The following TUSC3 variants were observed in gnomAD, a reference collection of about 807,000 sequenced individuals.
The protein encoded by TUSC3 is tumor suppressor candidate 3, also known as dolichyl-diphosphooligosaccharide--protein glycosyltransferase subunit TUSC3.
TUSC3 carries 45 observed loss-of-function variants against 44.8 expected under a neutral mutation model. That is an observed-to-expected ratio of 1.00 (90% CI 0.79 to 1.29). TUSC3 has a LOEUF of 1.29. TUSC3 is among the 50% of genes most tolerant of loss of function. The pLI, the probability that TUSC3 is intolerant of heterozygous loss-of-function variation, is 0.00. For synonymous variants in TUSC3, 212 were observed against 152.9 expected (o/e 1.39, Z -2.85); for missense variants, 519 against 437.9 (o/e 1.19, Z -1.65).
chr8:15,840,061 G>A, the TUSC3 span, among the ~76,000 whole-genome samples: 2 of 152,268 alleles, frequency 1.3e-5, no homozygotes, highest in African/African-American at 4.8e-5. Context: ...AAAATGATGA[G>A]TTCATGTCCT....
At chr8:15,794,323 A>G in the TUSC3 span, among the ~76,000 whole-genome samples, 1 of 151,884 alleles carries the variant, frequency 6.6e-6, no homozygotes, top group African/African-American at 2.4e-5. Context: ...AGTAAACTTC[A>G]CCCTAGAGGG....
downstream of TUSC3, among the ~76,000 whole-genome samples, chr8:15,767,742 A>C (rs1001838965): frequency 1.3e-5 from 2 of 152,148 alleles, no homozygotes; most frequent in African/African-American, 4.8e-5. Context: ...GACGTAACTC[A>C]GAAGTCTCTC....
intron 6 of TUSC3, among the ~76,000 whole-genome samples, chr8:15,674,898 C>G (rs1312354915): frequency 6.6e-6 from 1 of 151,810 alleles, no homozygotes; most frequent in East Asian, 1.9e-4. Context: ...ATAAATTATT[C>G]CCTTACCTTT....
At chr8:15,586,077 A>T (rs1234756540) in intron 1 of TUSC3, among the ~76,000 whole-genome samples, 1 of 150,502 alleles carries the variant, frequency 6.6e-6, no homozygotes, top group Non-Finnish European at 1.5e-5. Flanking sequence ...AACCAGGAAA[A>T]ATATTTTAAA....
At chr8:15,758,293 A>G (rs1812017620) in intron 10 of TUSC3, 1 of 965,640 alleles carries the variant, frequency 1.0e-6, no homozygotes, top group African/African-American at 1.8e-5. Flanking sequence ...AACTTACTGA[A>G]AACTTTTTTA....
At chr8:15,567,528 C>T (rs1802721187) in intron 1 of TUSC3, among the ~76,000 whole-genome samples, 1 of 152,130 alleles carries the variant, frequency 6.6e-6, no homozygotes, top group South Asian at 2.1e-4. Flanking sequence ...ATAATCCTGA[C>T]AGGTCTTCAA....
intron 9 of TUSC3, 94 bp downstream of exon 9, chr8:15,748,559 G>A: frequency 8.3e-7 from 1 of 1,211,096 alleles, no homozygotes; most frequent in Non-Finnish European, 1.2e-6. Context: ...ATGTAAAGTT[G>A]CTGTGTGGTT....
At chr8:15,697,479 G>A (rs1378750177) in intron 6 of TUSC3, among the ~76,000 whole-genome samples, 3 of 152,080 alleles carry the variant, frequency 2.0e-5, no homozygotes, top group Non-Finnish European at 4.4e-5. Context: ...ATAGGTTTTG[G>A]CTGTCTTTGT....
chr8:15,637,046 T>C (rs1806110542), intron 2 of TUSC3, among the ~76,000 whole-genome samples: 1 of 152,238 alleles, frequency 6.6e-6, no homozygotes, highest in African/African-American at 2.4e-5. Context: ...GTCTTACAGT[T>C]GACTATTCTA....
chr8:15,609,781 T>G (rs1210395903), intron 1 of TUSC3, among the ~76,000 whole-genome samples: 1 of 151,896 alleles, frequency 6.6e-6, no homozygotes, highest in African/African-American at 2.4e-5. Context: ...CACTGTACAT[T>G]AAAAATAAAA....
intron 2 of TUSC3, among the ~76,000 whole-genome samples, chr8:15,644,589 G>A (rs934262233): frequency 2.6e-5 from 4 of 152,054 alleles, no homozygotes; most frequent in Non-Finnish European, 4.4e-5. Context: ...CATTAGTTAG[G>A]TTTTCTCTGT....
chr8:15,647,614 C>T (rs761946100), intron 2 of TUSC3, among the ~76,000 whole-genome samples: 1 of 152,068 alleles, frequency 6.6e-6, no homozygotes, highest in African/African-American at 2.4e-5. Context: ...TTTCTAGTTG[C>T]CTTTTTTCCT....
chr8:15,608,700 T>C (rs1464269572), intron 1 of TUSC3, among the ~76,000 whole-genome samples: 1 of 152,118 alleles, frequency 6.6e-6, no homozygotes, highest in Non-Finnish European at 1.5e-5. Flanking sequence ...TCCTTTGCTT[T>C]CACTTCACTT....
At chr8:15,775,614 A>G in the TUSC3 span, among the ~76,000 whole-genome samples, 1 of 136,388 alleles carries the variant, frequency 7.3e-6, no homozygotes. Context: ...ACATGTATGT[A>G]CATATATATA....
intron 5 of TUSC3, among the ~76,000 whole-genome samples, chr8:15,666,135 T>C (rs958918086): frequency 4.6e-5 from 7 of 151,488 alleles, no homozygotes; most frequent in Non-Finnish European, 7.4e-5. Context: ...GAGTTAAAAT[T>C]GTATGTTTTG....
intron 1 of TUSC3, among the ~76,000 whole-genome samples, chr8:15,475,360 G>T (rs573075981): frequency 6.6e-6 from 1 of 152,092 alleles, no homozygotes; most frequent in Non-Finnish European, 1.5e-5. Context: ...TATCCCCTTT[G>T]TGTGATGCTT....
At chr8:15,787,560 C>G in the TUSC3 span, among the ~76,000 whole-genome samples, 43 of 152,220 alleles carry the variant, frequency 2.8e-4, no homozygotes, top group South Asian at 8.9e-3. Context: ...AAGACCAGTA[C>G]CAGTGACTTC....
At chr8:15,705,508 T>A (rs1033409232) in intron 6 of TUSC3, among the ~76,000 whole-genome samples, 2 of 152,126 alleles carry the variant, frequency 1.3e-5, no homozygotes, top group African/African-American at 4.8e-5. Flanking sequence ...AAATATTTTC[T>A]TGTATATAAC....
At chr8:15,826,989 C>G in the TUSC3 span, among the ~76,000 whole-genome samples, 1 of 152,146 alleles carries the variant, frequency 6.6e-6, no homozygotes, top group Non-Finnish European at 1.5e-5. Context: ...GGTTGCAGGT[C>G]AGAGTTCTGT....
Sources: allele counts gnomAD v4.1 joint callset (sites outside exome capture counted in the v4.1 genomes callset), GRCh38; gene constraint gnomAD v4.1.1; transcripts MANE v1.5; gene names NCBI Gene and HGNC (gene_info 2026-07-23, HGNC 2026-07-21).